PCDHGA6: variants seen among roughly 807,000 people sequenced by gnomAD.
PCDHGA6 encodes the protein protocadherin gamma-A6.
PCDHGA6 carries 41 observed loss-of-function variants against 60.6 expected under a neutral mutation model. The ratio of observed to expected loss-of-function variants is 0.68; its 90% CI spans 0.53 to 0.88. The LOEUF is 0.88. Ranked by LOEUF, PCDHGA6 falls within the 40% of genes least tolerant of loss-of-function variation. PCDHGA6 has a pLI of 0.00. For synonymous variants in PCDHGA6, 594 were observed against 524.4 expected (o/e 1.13, Z -1.81); for missense variants, 1,312 against 1,203.0 (o/e 1.09, Z -1.34).
intron 1 of PCDHGA6, chr5:141,426,993 G>A (rs1331210977): frequency 1.1e-5 from 5 of 456,742 alleles, no homozygotes; most frequent in Middle Eastern, 3.3e-4. Context: ...CAACGATAAT[G>A]CCCCAGTTTT....
At chr5:141,376,683 T>TTTTTTTG (rs1483837724) in intron 1 of PCDHGA6, 176 bp downstream of exon 1, 1 of 803,912 alleles carries the variant, frequency 1.2e-6, no homozygotes, top group African/African-American at 1.9e-5. Context: ...ATCGTTTTTT[T>TTTTTTTG]TTTTTTTTTT....
Position 141,422,436 on chromosome 5 carries a change from C to T in PCDHGA6, c.2424+45929C>T, listed in dbSNP as rs200737047. The T allele has an allele frequency of 1.2e-5, 20 of 1,609,634 alleles. No homozygotes were observed. The East Asian group carries it at 4.0e-4, about 32-fold the overall frequency. On this transcript the variant is annotated intron_variant, in intron 1 of 3. Coordinates refer to ENST00000517434, the MANE Select transcript of PCDHGA6 (RefSeq NM_018919.3). The stretch of plus-strand genomic sequence containing the variant: ...TAGAAAAGACTTATGGAAATTATTA[C>T]AAATTGATAACAAGCAGAGTGCTGG...
chr5:141,387,767 T>C, intron 1 of PCDHGA6: 5 of 1,435,258 alleles, frequency 3.5e-6, no homozygotes, highest in Non-Finnish European at 4.6e-6. Context: ...AAGAAGAATT[T>C]TTTCTTGAAC....
rs1770069063 is a variant in PCDHGA6, at chr5:141,374,063, G to A, written c.-21G>A. On this transcript the variant is annotated 5_prime_UTR_variant, in exon 1 of 4. Transcript: ENST00000517434. ...TGTTCTTCCTCTTCTTAATCCCAGA[G>A]AAGTTCCTAATAAGCCAGTAATGGC... 1 of 1,495,954 alleles carries A rather than the reference G, an allele frequency of 6.7e-7. No homozygotes were observed. The highest frequency in any genetic ancestry group is 1.4e-5 in the South Asian group (1 of 71,368). 92.7% of individuals were successfully genotyped at this position (1,495,954 alleles called of 1,614,324 possible). A position where few individuals can be genotyped will look rare whatever the true frequency, so the allele number is the denominator to read the frequency against.
chr5:141,413,910 C>T, intron 1 of PCDHGA6: 1 of 1,613,376 alleles, frequency 6.2e-7, no homozygotes, highest in Non-Finnish European at 8.5e-7. Flanking sequence ...ACGCGCCGGT[C>T]TTCACCTTGC....
At chr5:141,382,093 T>C (rs1420552886) in intron 1 of PCDHGA6, among the ~76,000 whole-genome samples, 1 of 152,090 alleles carries the variant, frequency 6.6e-6, no homozygotes, top group Non-Finnish European at 1.5e-5. Context: ...CCTCACAAAG[T>C]GTGGGATTAC....
At chr5:141,413,336 A>G (rs1561741680) in intron 1 of PCDHGA6, 1 of 1,613,972 alleles carries the variant, frequency 6.2e-7, no homozygotes, top group Non-Finnish European at 8.5e-7. Flanking sequence ...AACATCTCCA[A>G]GGACTTGGGT....
chr5:141,393,635 C>A (rs370544677), intron 1 of PCDHGA6: 1 of 1,613,750 alleles, frequency 6.2e-7, no homozygotes, highest in African/African-American at 1.3e-5. Context: ...AGGGAATCAA[C>A]GGAAAAGTGG....
At chr5:141,409,735 C>T (rs763035733) in intron 1 of PCDHGA6, 1 of 1,613,006 alleles carries the variant, frequency 6.2e-7, no homozygotes, top group Admixed American at 1.7e-5. Context: ...GCGCGCAGAG[C>T]GGGGTGGTGT....
chr5:141,472,065 G>C lies in PCDHGA6; in HGVS notation c.2425-22742G>C, dbSNP rs115025688. Among the ~76,000 whole-genome samples the C allele has an allele frequency of 1.7e-3, 265 of 152,218 alleles. 1 individual carries two copies. Among genetic ancestry groups the C allele is most frequent in the Middle Eastern group, 3.4e-3 (1 of 294 alleles). On this transcript the variant is annotated intron_variant, in intron 1 of 3. Coordinates refer to ENST00000517434, the MANE Select transcript of PCDHGA6 (RefSeq NM_018919.3). ...GATTTTAAAAATGATTGACATGTCT[G>C]TGGTTATATCAATGAGTACTATTAT...
At chr5:141,409,529 G>T (rs2095278932) in intron 1 of PCDHGA6, 1 of 1,613,962 alleles carries the variant, frequency 6.2e-7, no homozygotes, top group Non-Finnish European at 8.5e-7. Flanking sequence ...CTTGTATGTC[G>T]CTGACATCAA....
At chr5:141,399,957 C>T in intron 1 of PCDHGA6, 5 of 1,612,212 alleles carry the variant, frequency 3.1e-6, no homozygotes, top group South Asian at 1.1e-5. Flanking sequence ...CTAGCGAGCC[C>T]GGGCTCTTCA....
At chr5:141,450,815 A>ATAT (rs1420984335) in intron 1 of PCDHGA6, among the ~76,000 whole-genome samples, 2,245 of 126,710 alleles carry the variant, frequency 0.018, 73 homozygotes, top group African/African-American at 0.063. Flanking sequence ...TATTTATTTA[A>ATAT]TATTATTATT....
In PCDHGA6 at chr5:141,394,367, A is replaced by G. The variant is rs201573539; in HGVS notation, c.2424+17860A>G. 248 of 1,614,150 alleles carry G rather than the reference A, an allele frequency of 1.5e-4. 1 individual carries two copies. Among genetic ancestry groups the G allele is most frequent in the Middle Eastern group, 1.2e-3 (7 of 6,062 alleles). The stretch of plus-strand genomic sequence containing the variant: ...ACACCGGTGTCCTGTATGCGCTGCA[A>G]TCTTTCGACTATGAGCAGATCCGAG... On this transcript the variant is annotated intron_variant, in intron 1 of 3. Coordinates refer to ENST00000517434, the MANE Select transcript of PCDHGA6 (RefSeq NM_018919.3).
intron 1 of PCDHGA6, chr5:141,478,581 T>C: frequency 6.3e-7 from 1 of 1,580,158 alleles, no homozygotes; most frequent in Non-Finnish European, 8.6e-7. Flanking sequence ...ACCCTGTTAG[T>C]GCTTTTTTAT....
rs368564960 is a variant in PCDHGA6 at position 141,408,437 on chromosome 5, G to T, written c.2424+31930G>T. Reference sequence around the variant, plus strand: ...GGAGAAGCTGCACTTCAGCGTAGACGCGGAGAGCGGGGACTTACTTGTGAA... The same window carrying T: ...GGAGAAGCTGCACTTCAGCGTAGACTCGGAGAGCGGGGACTTACTTGTGAA... On this transcript the variant is annotated intron_variant, in intron 1 of 3. Transcript: ENST00000517434. The T allele has an allele frequency of 1.3e-5, 21 of 1,613,950 alleles. No homozygotes were observed. Among genetic ancestry groups the T allele is most frequent in the Non-Finnish European group, 1.6e-5 (19 of 1,179,918 alleles).
At chr5:141,388,580 G>T (rs376569160) in intron 1 of PCDHGA6, 1 of 1,613,868 alleles carries the variant, frequency 6.2e-7, no homozygotes, top group Admixed American at 1.7e-5. Flanking sequence ...ACGTTCTAGT[G>T]ACTGATGCCA....
At chr5:141,454,665 CA>C (rs2098795764) in intron 1 of PCDHGA6, among the ~76,000 whole-genome samples, 3 of 152,058 alleles carry the variant, frequency 2.0e-5, no homozygotes, top group Non-Finnish European at 4.4e-5. Flanking sequence ...CTCGGCCTCC[CA>C]AAACACTGGG....
In PCDHGA6 at chr5:141,491,169, G is replaced by A. The variant is rs374498014; in HGVS notation, c.2425-3638G>A. The A allele has an allele frequency of 1.2e-6, 2 of 1,614,192 alleles. No homozygotes were observed. Among genetic ancestry groups the A allele is most frequent in the African/African-American group, 1.3e-5 (1 of 75,058 alleles). On this transcript the variant is annotated intron_variant, in intron 1 of 3. Transcript: ENST00000517434. The surrounding 1 kb of genome is among the most constrained non-coding windows in gnomAD (Gnocchi z 6.9). ...TGGAGGATGACTCTGACACCCAGCA[G>A]GTGGTGGTCCTGGTGAGGGACAATG...
Sources: gnomAD v4.1 joint callset for allele counts (sites outside exome capture counted in the v4.1 genomes callset) on GRCh38, gnomAD v4.1.1 for gene constraint, Gnocchi (gnomAD v3.1) non-coding constraint, MANE v1.5 for transcripts, NCBI Gene and HGNC (gene_info 2026-07-23, HGNC 2026-07-21) for gene names.